ABCA13: variants seen among roughly 807,000 people sequenced by gnomAD.
ABCA13 encodes ATP binding cassette subfamily A member 13.
A neutral mutation model predicts 478.7 loss-of-function variants in ABCA13; 476 were observed. That is an observed-to-expected ratio of 0.99 (90% CI 0.92 to 1.07). ABCA13 has a LOEUF of 1.07. Among genes scored for constraint, ABCA13 ranks in the 50% least tolerant of loss-of-function variants. ABCA13 has a pLI of 0.00. For missense variants in ABCA13, 6,060 were observed against 5,910.6 expected (o/e 1.03, Z -0.83); for synonymous variants, 2,252 against 2,158.9 (o/e 1.04, Z -1.20).
chr7:48,273,412 A>G lies in ABCA13; in HGVS notation c.3746A>G (p.Asn1249Ser). The stretch of plus-strand genomic sequence containing the variant: ...GCATTAGTTTCAGTAAAAAAACTTA[A>G]CTTGGAGCAAGTGGAGAAATCCCTT... ...GNALVSVKKLNLEQVEKSLFT... is the reference protein window; with the variant it reads ...GNALVSVKKLSLEQVEKSLFT... The change falls in exon 17 of 62, where the codon AAC (asparagine) becomes AGC (serine). Residue 1249 changes from asparagine (N) to serine (S), a missense_variant. Transcript: ENST00000435803. 6.2e-7 allele frequency: 1 copy of G among 1,613,436 alleles called. No individual in the cohort carries two copies.
chr7:48,486,118 G>A (rs535583122), intron 47 of ABCA13, among the ~76,000 whole-genome samples: 11 of 152,118 alleles, frequency 7.2e-5, no homozygotes, highest in African/African-American at 1.4e-4. Context: ...CTACTCTCAC[G>A]ATCTTGTTGA....
intron 59 of ABCA13, among the ~76,000 whole-genome samples, chr7:48,630,039 G>A (rs1794037789): frequency 6.6e-6 from 1 of 151,918 alleles, no homozygotes; most frequent in African/African-American, 2.4e-5. Context: ...TTTCCTTTTA[G>A]GAGAGTTTCC....
At chr7:48,323,738 A>G (rs1254841834) in intron 27 of ABCA13, among the ~76,000 whole-genome samples, 1 of 152,206 alleles carries the variant, frequency 6.6e-6, no homozygotes, top group African/African-American at 2.4e-5. Context: ...GAAGCCTGTG[A>G]TATGGTTTGG....
chr7:48,241,074 G>A lies in ABCA13; in HGVS notation c.1262+8G>A, dbSNP rs772691681. The A allele has an allele frequency of 1.2e-6, 2 of 1,613,602 alleles. No homozygotes were observed. Among genetic ancestry groups the A allele is most frequent in the Admixed American group, 1.7e-5 (1 of 59,994 alleles). On this transcript the variant is annotated splice_region_variant and intron_variant, in intron 10 of 61. Transcript: ENST00000435803. Reference sequence around the variant, plus strand: ...TCATACATTTCCAAAGATGTAAGTCGCATTTCCCTGTTTGATTATTGATTA... The same window carrying A: ...TCATACATTTCCAAAGATGTAAGTCACATTTCCCTGTTTGATTATTGATTA...
intron 50 of ABCA13, among the ~76,000 whole-genome samples, chr7:48,509,100 A>G (rs975876539): frequency 5.3e-5 from 8 of 152,152 alleles, no homozygotes; most frequent in African/African-American, 1.9e-4. Flanking sequence ...TCTATTCAGT[A>G]GGACTGGGGG....
At position 48,275,342 on chromosome 7, in the gene ABCA13, A is replaced by G. The variant is rs758386289; in HGVS notation, c.5676A>G (p.Glu1892=). Residue 1892 remains glutamate, a synonymous_variant, in exon 17 of 62, where the codon GAA becomes GAG. Transcript: ENST00000435803. ...GGAAAGTGGTCTGCATAATTCATGAATTAGTGGACTGGAATTCTATTCTTC... is the reference window on the plus strand; with the variant it reads ...GGAAAGTGGTCTGCATAATTCATGAGTTAGTGGACTGGAATTCTATTCTTC... ...ITRKVVCIIH[E]LVDWNSILLE... 31 of 1,613,848 alleles carry G rather than the reference A, an allele frequency of 1.9e-5. No homozygotes were observed. Among genetic ancestry groups the G allele is most frequent in the Middle Eastern group, 3.3e-4 (2 of 6,084 alleles).
chr7:48,429,293 T>C (rs1198564392), intron 42 of ABCA13, among the ~76,000 whole-genome samples: 2 of 152,246 alleles, frequency 1.3e-5, no homozygotes, highest in African/African-American at 2.4e-5. Context: ...CTTACATGTA[T>C]ACCTAGGAGT....
chr7:48,239,953 G>A (rs975243276), intron 9 of ABCA13, among the ~76,000 whole-genome samples: 1 of 152,216 alleles, frequency 6.6e-6, no homozygotes, highest in African/African-American at 2.4e-5. Context: ...GGCCTCAGAA[G>A]CTCATGGAGC....
chr7:48,281,289 C>G, intron 18 of ABCA13, 54 bp from the exon 19 acceptor site: 1 of 1,432,192 alleles, frequency 7.0e-7, no homozygotes, highest in Non-Finnish European at 9.6e-7. Flanking sequence ...TAGAGATGCA[C>G]ATGGGTTGCA....
chr7:48,556,919 G>T (rs927619096), intron 55 of ABCA13, among the ~76,000 whole-genome samples: 1 of 151,828 alleles, frequency 6.6e-6, no homozygotes, highest in Non-Finnish European at 1.5e-5. Flanking sequence ...CTGGTTGTAT[G>T]ATTTAATTTT....
rs763812323 is a variant in ABCA13 at position 48,275,315 on chromosome 7, T to A, written c.5649T>A (p.Thr1883=). 6.2e-7 allele frequency: 1 copy of A among 1,613,960 alleles called. No individual in the cohort carries two copies. The highest frequency in any genetic ancestry group is 1.1e-5 in the South Asian group (1 of 91,086). ...CSNESSRMEI[T]RKVVCIIHEL... ...ATGAAAGCTCCCGAATGGAAATAAC[T>A]AGGAAAGTGGTCTGCATAATTCATG... Residue 1883 remains threonine (T), a synonymous_variant, in exon 17 of 62, where the codon ACT becomes ACA. Transcript: ENST00000435803.
intron 58 of ABCA13, among the ~76,000 whole-genome samples, chr7:48,606,408 G>C (rs907599030): frequency 1.3e-5 from 2 of 152,088 alleles, no homozygotes; most frequent in African/African-American, 4.8e-5. Context: ...CTGAGTGGGC[G>C]TCCTTTTTGT....
intron 27 of ABCA13, among the ~76,000 whole-genome samples, chr7:48,328,073 A>G (rs1804600687): frequency 2.0e-5 from 3 of 152,250 alleles, no homozygotes; most frequent in Admixed American, 2.0e-4. Context: ...TAACTTCCAT[A>G]GAAATAAAAA....
At chr7:48,229,683 A>C in intron 6 of ABCA13, 142 bp from the exon 7 acceptor site, 4 of 919,386 alleles carry the variant, frequency 4.4e-6, no homozygotes, top group Non-Finnish European at 6.6e-6. Flanking sequence ...AGCCACAAAG[A>C]ATGCTGACAT....
intron 8 of ABCA13, 153 bp downstream of exon 8, chr7:48,234,304 C>T: frequency 2.2e-6 from 2 of 908,534 alleles, no homozygotes; most frequent in South Asian, 2.7e-5. Flanking sequence ...AGAAGAGACC[C>T]CTACTGTCTC....
intron 5 of ABCA13, among the ~76,000 whole-genome samples, chr7:48,226,806 C>A (rs1039010218): frequency 6.6e-6 from 1 of 152,200 alleles, no homozygotes; most frequent in African/African-American, 2.4e-5. Context: ...GGGCCAGCTG[C>A]ATTTGCCTTC....
chr7:48,367,979 C>A, intron 32 of ABCA13, 71 bp downstream of exon 32: 1 of 1,168,614 alleles, frequency 8.6e-7, no homozygotes, highest in Non-Finnish European at 1.2e-6. Context: ...GGATCTTGTC[C>A]CATAACCAAC....
intron 35 of ABCA13, among the ~76,000 whole-genome samples, chr7:48,382,558 A>G (rs1159557420): frequency 6.6e-6 from 1 of 152,240 alleles, no homozygotes; most frequent in African/African-American, 2.4e-5. Context: ...TGGGGGACAT[A>G]TTCATACTAA....
chr7:48,324,680 A>T (rs953652739), intron 27 of ABCA13, among the ~76,000 whole-genome samples: 1 of 152,208 alleles, frequency 6.6e-6, no homozygotes, highest in African/African-American at 2.4e-5. Context: ...AAAAATAAGT[A>T]GGAAGCACTT....
Sources: gnomAD v4.1 joint callset for allele counts (sites outside exome capture counted in the v4.1 genomes callset) on GRCh38, gnomAD v4.1.1 for gene constraint, MANE v1.5 for transcripts, NCBI Gene and HGNC (gene_info 2026-07-23, HGNC 2026-07-21) for gene names.